The following ASB15 variants were observed in gnomAD, a reference collection of about 807,000 sequenced individuals.
ASB15 encodes the protein ankyrin repeat and SOCS box containing 15, also known as ankyrin repeat and SOCS box protein 15.
A neutral mutation model predicts 58.0 loss-of-function variants in ASB15; 54 were observed. The observed-to-expected ratio is 0.93, with a 90% CI of 0.75 to 1.17. The LOEUF (loss-of-function observed/expected upper bound fraction) is 1.17, where lower values mean the gene tolerates loss of function less well. Ranked by LOEUF, ASB15 falls within the 50% of genes most tolerant of loss-of-function variation. The pLI is 0.00. For synonymous variants in ASB15, 249 were observed against 262.4 expected, an observed-to-expected ratio of 0.95 and a Z score of 0.50; for missense variants, 680 against 707.4, an observed-to-expected ratio of 0.96 and a Z score of 0.44.
chr7:123,631,877 G>A (rs1467061375), intron 11 of ASB15, among the ~76,000 whole-genome samples: 1 of 152,102 alleles, frequency 6.6e-6, no homozygotes, highest in African/African-American at 2.4e-5. Context: ...AGGAGATCGA[G>A]ACCACCCTGG....
intron 1 of ASB15, among the ~76,000 whole-genome samples, chr7:123,603,765 A>G (rs1334471956): frequency 6.6e-6 from 1 of 152,244 alleles, no homozygotes; most frequent in East Asian, 1.9e-4. Context: ...AATAGAGTCC[A>G]ATAGGGTCCT....
At chr7:123,613,292 T>C (rs1028973878) in intron 3 of ASB15, among the ~76,000 whole-genome samples, 2 of 150,440 alleles carry the variant, frequency 1.3e-5, no homozygotes, top group Non-Finnish European at 3.0e-5. Flanking sequence ...CAGAGCACTC[T>C]TTTGTTTTTC....
chr7:123,584,612 G>A (rs1167686851), intron 1 of ASB15, among the ~76,000 whole-genome samples: 1 of 151,888 alleles, frequency 6.6e-6, no homozygotes, highest in East Asian at 1.9e-4. Context: ...TGTACAGAAA[G>A]CAAGAAAATC....
rs148129239 is a variant in ASB15, at chr7:123,626,776, T to C, written c.698-334T>C. 5.6e-3 allele frequency among the ~76,000 whole-genome samples: 847 copies of C among 152,256 alleles called. 9 individuals are homozygous for C. Among genetic ancestry groups the C allele is most frequent in the African/African-American group, 0.019 (808 of 41,564 alleles). On this transcript the variant is annotated intron_variant, in intron 8 of 11. Transcript: ENST00000451215. ...TTTTTGAGATGGAGTCTCACTCTGT[T>C]GCCCATTCTGGAGTGCAGTGGAGTG...
chr7:123,607,360 T>A (rs1443163123), intron 2 of ASB15, among the ~76,000 whole-genome samples: 1 of 152,202 alleles, frequency 6.6e-6, no homozygotes, highest in Non-Finnish European at 1.5e-5. Context: ...TACAATAATG[T>A]CTTATACAAA....
chr7:123,604,350 T>C (rs1800031976), intron 2 of ASB15, 138 bp downstream of exon 2: 1 of 152,024 alleles, frequency 6.6e-6, no homozygotes, highest in South Asian at 2.1e-4. Context: ...GGGAGGCCGA[T>C]GGGGGAGAAT....
At chr7:123,582,283 G>A (rs189566953) in intron 1 of ASB15, among the ~76,000 whole-genome samples, 24 of 151,808 alleles carry the variant, frequency 1.6e-4, no homozygotes, top group Admixed American at 1.6e-3. Flanking sequence ...GGGGAGGGGG[G>A]GTTGCATTAC....
chr7:123,577,658 A>G (rs1799101831), intron 1 of ASB15, among the ~76,000 whole-genome samples: 1 of 152,126 alleles, frequency 6.6e-6, no homozygotes, highest in African/African-American at 2.4e-5. Context: ...AACATAGCAA[A>G]CATGTTGAAC....
At chr7:123,620,503 C>CATAT (rs1184654107) in intron 7 of ASB15, among the ~76,000 whole-genome samples, 18 of 53,050 alleles carry the variant, frequency 3.4e-4, no homozygotes, top group East Asian at 6.3e-4. Flanking sequence ...GACACATATA[C>CATAT]ATACATATAT....
chr7:123,614,757 C>T, intron 4 of ASB15, 148 bp downstream of exon 4: 1 of 655,386 alleles, frequency 1.5e-6, no homozygotes. Flanking sequence ...CCAAGGGCCA[C>T]TGTTCATAAG....
At chr7:123,609,689 C>T (rs1336999236) in intron 3 of ASB15, among the ~76,000 whole-genome samples, 1 of 152,156 alleles carries the variant, frequency 6.6e-6, no homozygotes, top group Non-Finnish European at 1.5e-5. Context: ...TGTATTCGTC[C>T]TTTTTCAGGG....
chr7:123,569,391 T>C (rs1292360142), intron 1 of ASB15, among the ~76,000 whole-genome samples: 3 of 152,088 alleles, frequency 2.0e-5, no homozygotes, highest in African/African-American at 4.8e-5. Flanking sequence ...GGTCCAGCAA[T>C]AGCTAGGGCC....
intron 1 of ASB15, among the ~76,000 whole-genome samples, chr7:123,593,391 T>G (rs1799600231): frequency 6.8e-6 from 1 of 147,104 alleles, no homozygotes; most frequent in East Asian, 1.9e-4. Context: ...ATTTGGCATG[T>G]TTTTGCAGTG....
At chr7:123,614,651 G>T in intron 4 of ASB15, 42 bp downstream of exon 4, 1 of 1,270,714 alleles carries the variant, frequency 7.9e-7, no homozygotes, top group African/African-American at 1.5e-5. Flanking sequence ...TTTCTTTATG[G>T]CATTCATTTT....
intron 1 of ASB15, among the ~76,000 whole-genome samples, chr7:123,588,955 TA>T (rs1184339484): frequency 4.6e-5 from 7 of 151,936 alleles, no homozygotes; most frequent in African/African-American, 9.7e-5. Context: ...TCAATCTAGT[TA>T]AATTTCTTAA....
chr7:123,570,290 C>T (rs1798873871), intron 1 of ASB15, among the ~76,000 whole-genome samples: 2 of 152,110 alleles, frequency 1.3e-5, no homozygotes, highest in Non-Finnish European at 1.5e-5. Context: ...CCCACCTCGG[C>T]CCCCCAAAGT....
At chr7:123,616,614 G>T in intron 6 of ASB15, 119 bp downstream of exon 6, 1 of 1,236,834 alleles carries the variant, frequency 8.1e-7, no homozygotes, top group Non-Finnish European at 1.1e-6. Context: ...AATATTATTT[G>T]GAATTTGAAA....
chr7:123,623,282 G>A (rs2116597027), intron 7 of ASB15: 1 of 152,260 alleles, frequency 6.6e-6, no homozygotes, highest in African/African-American at 2.4e-5. Flanking sequence ...ATTTGTAGGG[G>A]CAGCACTCAT....
intron 1 of ASB15, among the ~76,000 whole-genome samples, chr7:123,595,514 CG>C (rs1562916809): frequency 6.6e-6 from 1 of 152,170 alleles, no homozygotes; most frequent in African/African-American, 2.4e-5. Context: ...GACCAACTAT[CG>C]TCATGCTTAT....
Sources: gnomAD v4.1 joint callset for allele counts (sites outside exome capture counted in the v4.1 genomes callset) on GRCh38, gnomAD v4.1.1 for gene constraint, MANE v1.5 for transcripts, NCBI Gene and HGNC (gene_info 2026-07-23, HGNC 2026-07-21) for gene names.